The following ADAM12 variants were observed in gnomAD, a reference collection of about 807,000 sequenced individuals.
ADAM12 encodes the protein ADAM metallopeptidase domain 12.
ADAM12 carries 70 observed loss-of-function variants against 106.4 expected under a neutral mutation model. The ratio of observed to expected loss-of-function variants is 0.66; its 90% CI spans 0.54 to 0.80. The LOEUF (loss-of-function observed/expected upper bound fraction) is 0.80. Among genes scored for constraint, ADAM12 ranks in the 30% least tolerant of loss-of-function variants. ADAM12 has a pLI of 0.00. For missense variants in ADAM12, 1,010 were observed against 1,171.9 expected (o/e 0.86, Z 2.02); for synonymous variants, 420 against 433.5 (o/e 0.97, Z 0.39).
intron 4 of ADAM12, among the ~76,000 whole-genome samples, chr10:126,138,106 GT>G (rs895133445): frequency 5.9e-5 from 9 of 152,328 alleles, no homozygotes; most frequent in East Asian, 1.9e-4. Context: ...TGGATATAAA[GT>G]GGTATTTCAA....
intron 21 of ADAM12, among the ~76,000 whole-genome samples, chr10:126,034,049 T>C (rs1278247): frequency 0.65 from 98,873 of 152,054 alleles, 32,605 homozygotes; most frequent in East Asian, 0.77. Flanking sequence ...CAGTGACTCT[T>C]AGTACACATA....
intron 2 of ADAM12, among the ~76,000 whole-genome samples, chr10:126,322,039 T>C (rs1323382529): frequency 1.3e-5 from 2 of 152,140 alleles, no homozygotes; most frequent in Non-Finnish European, 2.9e-5. Context: ...GCAAAGCCAA[T>C]GCACTGCCTG....
At chr10:126,244,265 G>GTTTATA (rs1958586291) in intron 3 of ADAM12, among the ~76,000 whole-genome samples, 1 of 152,184 alleles carries the variant, frequency 6.6e-6, no homozygotes, top group African/African-American at 2.4e-5. Context: ...ACAGAACTCT[G>GTTTATA]AGAGATCAGA....
intron 3 of ADAM12, among the ~76,000 whole-genome samples, chr10:126,207,558 C>T (rs887894410): frequency 1.3e-5 from 2 of 152,114 alleles, no homozygotes; most frequent in East Asian, 3.8e-4. Context: ...AAGACTCTGC[C>T]CAGGACCTTG....
Position 126,066,652 on chromosome 10 carries a change from A to G in ADAM12, c.1413+65T>C. 6.7e-7 allele frequency: 1 copy of G among 1,484,688 alleles called. No homozygotes were observed. Among genetic ancestry groups the G allele is most frequent in the East Asian group, 2.3e-5 (1 of 44,094 alleles). The allele number at this position is 1,484,688 out of a possible 1,614,324, so 92.0% of individuals were successfully genotyped here. ...CTTCCAGCCACACTGCTTGCCCTGC[A>G]TCAGATCTGAACCACCTGAACCTGT... On this transcript the variant is annotated intron_variant, in intron 13 of 22. Transcript: ENST00000448723. This position sits in a 1 kb window ranked among gnomAD's most constrained non-coding sequence, Gnocchi z 5.1.
At chr10:126,154,659 T>TAC (rs1341197068) in intron 4 of ADAM12, among the ~76,000 whole-genome samples, 1 of 152,098 alleles carries the variant, frequency 6.6e-6, no homozygotes, top group Non-Finnish European at 1.5e-5. Flanking sequence ...TCATGGAGAG[T>TAC]ACACAGTAAA....
intron 3 of ADAM12, among the ~76,000 whole-genome samples, chr10:126,196,793 CTCCTT>C (rs1004481605): frequency 6.6e-6 from 1 of 152,164 alleles, no homozygotes; most frequent in African/African-American, 2.4e-5. Context: ...TAAAGATTTC[CTCCTT>C]TCCTTTCTGT....
At chr10:126,226,978 T>C (rs1297437582) in intron 3 of ADAM12, among the ~76,000 whole-genome samples, 1 of 152,222 alleles carries the variant, frequency 6.6e-6, no homozygotes, top group Admixed American at 6.5e-5. Flanking sequence ...TGAAAATAAC[T>C]GCTTATCGTA....
At chr10:126,036,442 G>GAAAGA in intron 20 of ADAM12, 117 bp from the exon 21 acceptor site, 2 of 1,005,712 alleles carry the variant, frequency 2.0e-6, no homozygotes, top group African/African-American at 1.7e-5. Flanking sequence ...TGGGGTAAAG[G>GAAAGA]AAAGAAATCA....
rs568729579 is a variant in ADAM12 at position 126,167,362 on chromosome 10, C to T, written c.261-12057G>A. On this transcript the variant is annotated intron_variant, in intron 3 of 22. Transcript: ENST00000448723. ...CTATTTCCCCTTAATCTGACTTTTG[C>T]CTTTTCTGCCCATATTCCTTTAAAG... 7.2e-5 allele frequency among the ~76,000 whole-genome samples: 11 copies of T among 152,292 alleles called. No homozygotes were observed. In the South Asian group the frequency reaches 2.3e-3, roughly 32 times the overall value.
At position 126,136,420 on chromosome 10, in the gene ADAM12, T is replaced by C. The variant is rs1400108206; in HGVS notation, c.340-760A>G. On this transcript the variant is annotated intron_variant, in intron 4 of 22. Transcript: ENST00000448723. ...AGAAGTGGCTGAGTATACTCAGTACTCCTCACTCAGATCCTCTGGACGCCA... is the reference window on the plus strand; with the variant it reads ...AGAAGTGGCTGAGTATACTCAGTACCCCTCACTCAGATCCTCTGGACGCCA... 2.6e-5 allele frequency among the ~76,000 whole-genome samples: 4 copies of C among 152,164 alleles called. No individual in the cohort carries two copies. The East Asian group carries it at 7.7e-4, about 29-fold the overall frequency.
intron 1 of ADAM12, among the ~76,000 whole-genome samples, chr10:126,363,489 G>C (rs1351768709): frequency 6.6e-6 from 1 of 152,178 alleles, no homozygotes; most frequent in African/African-American, 2.4e-5. Flanking sequence ...TCCCTTGTCT[G>C]GGGGTGGGAT....
At chr10:126,201,085 C>T (rs1481577772) in intron 3 of ADAM12, among the ~76,000 whole-genome samples, 1 of 152,150 alleles carries the variant, frequency 6.6e-6, no homozygotes, top group East Asian at 1.9e-4. Context: ...ATTTCTTCCA[C>T]AGGCCAAATG....
At chr10:126,023,908 G>GA (rs5788761) in intron 21 of ADAM12, among the ~76,000 whole-genome samples, 50,907 of 140,576 alleles carry the variant, frequency 0.36, 8,967 homozygotes, top group East Asian at 0.46. Context: ...TGAACTCATG[G>GA]AAAAAAAAAA....
intron 14 of ADAM12, among the ~76,000 whole-genome samples, chr10:126,054,071 C>T (rs977924809): frequency 6.6e-6 from 1 of 152,150 alleles, no homozygotes; most frequent in Admixed American, 6.5e-5. Flanking sequence ...AAGATGCTGA[C>T]ATTTTTTCTT....
chr10:126,278,000 T>C (rs1349046131), intron 3 of ADAM12, among the ~76,000 whole-genome samples: 1 of 152,172 alleles, frequency 6.6e-6, no homozygotes, highest in Non-Finnish European at 1.5e-5. Context: ...AGTCAGGTTC[T>C]GGGACTCCAC....
chr10:126,246,883 G>A (rs1296887505), intron 3 of ADAM12, among the ~76,000 whole-genome samples: 1 of 152,164 alleles, frequency 6.6e-6, no homozygotes, highest in Non-Finnish European at 1.5e-5. Context: ...TCTGGGCAGG[G>A]CAATCAGGCA....
intron 4 of ADAM12, 43 bp from the exon 5 acceptor site, chr10:126,135,703 T>C: frequency 6.4e-7 from 1 of 1,561,578 alleles, no homozygotes; most frequent in South Asian, 1.1e-5. Flanking sequence ...TTATAACACA[T>C]TTTTGCCCAC....
intron 5 of ADAM12, among the ~76,000 whole-genome samples, chr10:126,122,726 C>A (rs1300224587): frequency 6.6e-6 from 1 of 152,126 alleles, no homozygotes. Context: ...TGCCACTGTA[C>A]TCCAGCCTGG....
Sources: gnomAD v4.1 joint callset for allele counts (sites outside exome capture counted in the v4.1 genomes callset) on GRCh38, gnomAD v4.1.1 for gene constraint, Gnocchi (gnomAD v3.1) non-coding constraint, MANE v1.5 for transcripts, NCBI Gene and HGNC (gene_info 2026-07-23, HGNC 2026-07-21) for gene names.